The following KCNIP1 variants were observed in gnomAD, a reference collection of about 807,000 sequenced individuals.
KCNIP1 encodes A-type potassium channel modulatory protein KCNIP1.
KCNIP1 carries 18 observed loss-of-function variants against 33.0 expected under a neutral mutation model. That is an observed-to-expected ratio of 0.55 (90% CI 0.38 to 0.81). The LOEUF is 0.81. KCNIP1 is among the 30% of genes least tolerant of loss of function. The pLI is 0.00. For synonymous variants in KCNIP1, 93 were observed against 98.3 expected (o/e 0.95, Z 0.32); for missense variants, 238 against 271.6 (o/e 0.88, Z 0.87).
intron 1 of KCNIP1, among the ~76,000 whole-genome samples, chr5:170,414,245 G>A (rs544798436): frequency 5.3e-5 from 8 of 152,292 alleles, no homozygotes; most frequent in South Asian, 2.1e-4. Flanking sequence ...CAATCAACCC[G>A]ATGAAGCTTT....
chr5:170,390,513 A>ATATAT (rs1554088932), intron 1 of KCNIP1, among the ~76,000 whole-genome samples: 23 of 28,638 alleles, frequency 8.0e-4, no homozygotes, highest in Admixed American at 1.1e-3. Flanking sequence ...AAAAAAAAAA[A>ATATAT]ACAAATATAT....
rs1337081440 is a variant in KCNIP1 at position 170,527,491 on chromosome 5, C to A, written c.61+22858C>A. 2.6e-5 allele frequency among the ~76,000 whole-genome samples: 4 copies of A among 152,094 alleles called. No individual in the cohort carries two copies. The South Asian group carries it at 6.3e-4, about 24-fold the overall frequency. On this transcript the variant is annotated intron_variant, in intron 1 of 7. Coordinates refer to ENST00000328939, the MANE Select transcript of KCNIP1 (RefSeq NM_014592.4). ...TTCCCTCTCAAAGCCTCAGTTAGCT[C>A]TTCAGGGCCTGCGAACGGCAATCTA...
chr5:170,542,645 A>G (rs1327728441), intron 1 of KCNIP1, among the ~76,000 whole-genome samples: 6 of 152,146 alleles, frequency 3.9e-5, no homozygotes, highest in Non-Finnish European at 8.8e-5. Flanking sequence ...GCCAAACCCT[A>G]TATGTACTAT....
At chr5:170,594,060 G>C (rs1033564181) in intron 1 of KCNIP1, among the ~76,000 whole-genome samples, 1 of 152,120 alleles carries the variant, frequency 6.6e-6, no homozygotes, top group Non-Finnish European at 1.5e-5. Context: ...TGACATTGAG[G>C]GTCCCCCCTC....
chr5:170,489,670 C>G lies in KCNIP1; in HGVS notation c.88+135706C>G, dbSNP rs1033356453. Among the ~76,000 whole-genome samples the G allele has an allele frequency of 6.6e-6, 1 of 152,248 alleles. No homozygotes were observed. The highest frequency in any genetic ancestry group is 2.4e-5 in the African/African-American group (1 of 41,460). Reference sequence around the variant, plus strand: ...TTGAAGTTGAAAGGTAGCAATCACTCATACTCCTCTCCCATGAACAATTTG... The same window carrying G: ...TTGAAGTTGAAAGGTAGCAATCACTGATACTCCTCTCCCATGAACAATTTG... On this transcript the variant is annotated intron_variant, in intron 1 of 7. Transcript: ENST00000377360. The surrounding 1 kb of genome is among the most constrained non-coding windows in gnomAD (Gnocchi z 4.3).
At chr5:170,733,967 A>C in intron 7 of KCNIP1, 69 bp downstream of exon 7, 1 of 1,326,998 alleles carries the variant, frequency 7.5e-7, no homozygotes, top group South Asian at 1.2e-5. Context: ...GGGGACCTGC[A>C]GAAGGAAGGT....
intron 3 of KCNIP1, among the ~76,000 whole-genome samples, chr5:170,721,255 CA>C (rs748340550): frequency 3.1e-4 from 47 of 152,338 alleles, no homozygotes; most frequent in Admixed American, 5.9e-4. Flanking sequence ...TTGTCCCATG[CA>C]GGCCCCAGAA....
At chr5:170,479,688 A>C (rs1340920963) in intron 1 of KCNIP1, among the ~76,000 whole-genome samples, 1 of 152,196 alleles carries the variant, frequency 6.6e-6, no homozygotes, top group Admixed American at 6.5e-5. Context: ...TTTTGCCCAC[A>C]TGGGGGCTCT....
intron 1 of KCNIP1, among the ~76,000 whole-genome samples, chr5:170,714,323 C>T (rs1436647350): frequency 2.6e-5 from 4 of 152,160 alleles, no homozygotes; most frequent in Non-Finnish European, 5.9e-5. Context: ...CATGTGGAAA[C>T]CAGATATGAT....
chr5:170,432,281 CGTA>C (rs1755761790), intron 1 of KCNIP1, among the ~76,000 whole-genome samples: 1 of 152,150 alleles, frequency 6.6e-6, no homozygotes, highest in Non-Finnish European at 1.5e-5. Context: ...CCTGCAGACA[CGTA>C]TTGTAGGTTT....
chr5:170,618,396 T>C (rs1379670866), intron 1 of KCNIP1, among the ~76,000 whole-genome samples: 1 of 143,054 alleles, frequency 7.0e-6, no homozygotes, highest in Non-Finnish European at 1.5e-5. Flanking sequence ...CTATATCTCT[T>C]ATAAGGAGGG....
At position 170,462,684 on chromosome 5, in the gene KCNIP1, T is replaced by C. The variant is rs116706530; in HGVS notation, c.88+108720T>C. The stretch of plus-strand genomic sequence containing the variant: ...TACGAAAAAGATACTTGCACACACA[T>C]ATTTACAGCAGCACAATTCGCAATT... On this transcript the variant is annotated intron_variant, in intron 1 of 7. Coordinates refer to the KCNIP1 transcript ENST00000377360. 7.8e-3 allele frequency among the ~76,000 whole-genome samples: 1,184 copies of C among 152,236 alleles called. 10 individuals are homozygous for C. The highest frequency in any genetic ancestry group is 0.022 in the South Asian group (107 of 4,820).
At chr5:170,358,523 C>A (rs1474544681) in intron 1 of KCNIP1, among the ~76,000 whole-genome samples, 1 of 152,216 alleles carries the variant, frequency 6.6e-6, no homozygotes, top group Non-Finnish European at 1.5e-5. Context: ...TGCCTCTTAC[C>A]AGCTGTGTGA....
At chr5:170,694,509 C>T (rs899144161) in intron 1 of KCNIP1, among the ~76,000 whole-genome samples, 1 of 152,158 alleles carries the variant, frequency 6.6e-6, no homozygotes, top group Non-Finnish European at 1.5e-5. Flanking sequence ...CCAGTGAGCC[C>T]CAGACCTTCA....
chr5:170,681,381 C>T, intron 1 of KCNIP1: 1 of 361,254 alleles, frequency 2.8e-6, no homozygotes. Context: ...AAATGTGGTG[C>T]GCCTGGGGAG....
At chr5:170,553,695 G>A (rs564050382) in intron 1 of KCNIP1, among the ~76,000 whole-genome samples, 167 of 152,310 alleles carry the variant, frequency 1.1e-3, no homozygotes, top group Non-Finnish European at 2.1e-3. Context: ...ATTCCTAGCT[G>A]CAATTCCTTA....
chr5:170,366,407 G>A (rs1297268696), intron 1 of KCNIP1, among the ~76,000 whole-genome samples: 1 of 152,242 alleles, frequency 6.6e-6, no homozygotes, highest in East Asian at 1.9e-4. Flanking sequence ...GAAGCTGGCT[G>A]GAACCACAAA....
At chr5:170,679,327 G>T (rs529613831) in intron 1 of KCNIP1, 1 of 152,182 alleles carries the variant, frequency 6.6e-6, no homozygotes. Context: ...CTGCCTACAC[G>T]CCAATGAGAA....
chr5:170,633,635 G>A (rs141550193), intron 1 of KCNIP1, among the ~76,000 whole-genome samples: 2,984 of 145,326 alleles, frequency 0.021, 41 homozygotes, highest in Non-Finnish European at 0.032. Flanking sequence ...CAGGGACAGA[G>A]AACTAAGAGG....
Sources: gnomAD v4.1 joint callset for allele counts (sites outside exome capture counted in the v4.1 genomes callset) on GRCh38, gnomAD v4.1.1 for gene constraint, Gnocchi (gnomAD v3.1) non-coding constraint, MANE v1.5 for transcripts, NCBI Gene and HGNC (gene_info 2026-07-23, HGNC 2026-07-21) for gene names.